The following FOXP2 variants were observed in gnomAD, a reference collection of about 807,000 sequenced individuals.
The protein encoded by FOXP2 is forkhead box protein P2.
In FOXP2, 12 loss-of-function variants were observed where a neutral mutation model predicts 115.8. The observed-to-expected ratio is 0.10, with a 90% confidence interval of 0.07 to 0.17. FOXP2 has a LOEUF of 0.17. Ranked by LOEUF, FOXP2 falls within the 10% of genes least tolerant of loss-of-function variation. FOXP2 has a pLI of 1.00. For synonymous variants in FOXP2, 328 were observed against 297.7 expected (o/e 1.10, Z -1.05); for missense variants, 629 against 843.5 (o/e 0.75, Z 3.15).
intron 1 of FOXP2, among the ~76,000 whole-genome samples, chr7:114,192,291 T>A (rs1793782165): frequency 6.6e-6 from 1 of 152,162 alleles, no homozygotes; most frequent in African/African-American, 2.4e-5. Flanking sequence ...GGCCTCTCCT[T>A]GTCTTTTTAT....
chr7:114,470,247 C>A (rs558252545), intron 2 of FOXP2, among the ~76,000 whole-genome samples: 1 of 152,272 alleles, frequency 6.6e-6, no homozygotes, highest in African/African-American at 2.4e-5. Flanking sequence ...TGTTATACCA[C>A]AGGATCTTTG....
At chr7:114,144,000 TGATCTTTGCC>T (rs1422279045) in intron 1 of FOXP2, among the ~76,000 whole-genome samples, 5 of 152,144 alleles carry the variant, frequency 3.3e-5, no homozygotes, top group African/African-American at 1.2e-4. Context: ...TTTTGAGTTT[TGATCTTTGCC>T]CACAGTGCAA....
rs115488654 is a variant in FOXP2, at chr7:114,464,511, A to C, written c.168+37832A>C. ...TTCCCATGATAGCCCAAATAAGATA[A>C]AGAAATAAGGAGGAGATGATAATGT... is the stretch of plus-strand genomic sequence containing the variant. On this transcript the variant is annotated intron_variant, in intron 2 of 16. Coordinates refer to ENST00000350908, the MANE Select transcript of FOXP2 (RefSeq NM_014491.4). Among the ~76,000 whole-genome samples the C allele has an allele frequency of 6.3e-3, 956 of 152,340 alleles. 7 individuals are homozygous for C. Among genetic ancestry groups the C allele is most frequent in the African/African-American group, 0.021 (884 of 41,566 alleles).
At chr7:114,152,526 A>C (rs546693867) in intron 1 of FOXP2, among the ~76,000 whole-genome samples, 1 of 152,192 alleles carries the variant, frequency 6.6e-6, no homozygotes, top group African/African-American at 2.4e-5. Flanking sequence ...CTGCTTTTGC[A>C]TATGCAAATC....
chr7:114,382,355 G>A (rs1196444285), intron 2 of FOXP2, among the ~76,000 whole-genome samples: 4 of 152,340 alleles, frequency 2.6e-5, no homozygotes, highest in East Asian at 1.9e-4. Flanking sequence ...TGGATCATCT[G>A]GTTAGTGGCT....
intron 3 of FOXP2, among the ~76,000 whole-genome samples, chr7:114,546,605 A>G (rs1227528600): frequency 6.6e-6 from 1 of 152,044 alleles, no homozygotes; most frequent in East Asian, 1.9e-4. Context: ...AACACCCCTT[A>G]TCTGATTGGC....
At position 114,252,091 on chromosome 7, in the gene FOXP2, G is replaced by A. The variant is rs535128150; in HGVS notation, c.-101-35928G>A. Among the ~76,000 whole-genome samples the A allele has an allele frequency of 5.8e-4, 89 of 152,238 alleles. 1 individual carries two copies. Among genetic ancestry groups the A allele is most frequent in the African/African-American group, 9.9e-4 (41 of 41,548 alleles). ...TGGTTCTGTTTATATACTGGATTAC[G>A]TTTATTGATTTGCATATGTTGAACC... On this transcript the variant is annotated intron_variant, in intron 1 of 17. Coordinates refer to the FOXP2 transcript ENST00000634411.
intron 2 of FOXP2, among the ~76,000 whole-genome samples, chr7:114,349,134 T>A (rs2129185403): frequency 6.6e-6 from 1 of 152,192 alleles, no homozygotes; most frequent in Non-Finnish European, 1.5e-5. Flanking sequence ...CTATGTTTTT[T>A]TTTCTGTATT....
chr7:114,438,571 A>G (rs1311499354), intron 2 of FOXP2, among the ~76,000 whole-genome samples: 1 of 152,046 alleles, frequency 6.6e-6, no homozygotes. Context: ...TGAAACAGAG[A>G]AATAAGAAGT....
intron 6 of FOXP2, among the ~76,000 whole-genome samples, chr7:114,635,961 G>A (rs1805195440): frequency 6.6e-6 from 1 of 152,144 alleles, no homozygotes; most frequent in African/African-American, 2.4e-5. Context: ...CTTCTTTGGA[G>A]AAGATAATTT....
chr7:114,180,497 G>C (rs1793428078), intron 1 of FOXP2, among the ~76,000 whole-genome samples: 2 of 151,850 alleles, frequency 1.3e-5, no homozygotes, highest in Non-Finnish European at 2.9e-5. Context: ...CTCTGAATTT[G>C]AGATCTGAAT....
chr7:114,223,735 G>A (rs189729908), intron 1 of FOXP2, among the ~76,000 whole-genome samples: 27 of 150,798 alleles, frequency 1.8e-4, no homozygotes, highest in African/African-American at 4.6e-4. Flanking sequence ...CTCTGCCACC[G>A]TATATGTTGA....
At chr7:114,411,079 C>T (rs1441389036), upstream of FOXP2, among the ~76,000 whole-genome samples, 1 of 152,052 alleles carries the variant, frequency 6.6e-6, no homozygotes, top group Non-Finnish European at 1.5e-5. Context: ...AAAAAAGACA[C>T]ATGAGTAAGG....
intron 2 of FOXP2, among the ~76,000 whole-genome samples, chr7:114,457,727 T>C (rs372793644): frequency 6.6e-6 from 1 of 151,980 alleles, no homozygotes; most frequent in African/African-American, 2.4e-5. Context: ...TGAAACCCCG[T>C]CTCTACTAAA....
intron 1 of FOXP2, among the ~76,000 whole-genome samples, chr7:114,098,926 C>G (rs1463182060): frequency 6.6e-6 from 1 of 152,086 alleles, no homozygotes; most frequent in Non-Finnish European, 1.5e-5. Context: ...ATGCTTGATC[C>G]CAGGAGTGGG....
intron 3 of FOXP2, among the ~76,000 whole-genome samples, chr7:114,553,471 C>G (rs1445893740): frequency 6.6e-6 from 1 of 152,108 alleles, no homozygotes; most frequent in Non-Finnish European, 1.5e-5. Flanking sequence ...CATTGACTTC[C>G]TTTGTTGCTC....
chr7:114,456,671 A>T (rs1454314217), intron 2 of FOXP2, among the ~76,000 whole-genome samples: 1 of 152,208 alleles, frequency 6.6e-6, no homozygotes, highest in Non-Finnish European at 1.5e-5. Flanking sequence ...TTTTAAGGAA[A>T]TTAGCATGTG....
intron 1 of FOXP2, among the ~76,000 whole-genome samples, chr7:114,166,395 A>G (rs1792981419): frequency 6.6e-6 from 1 of 152,082 alleles, no homozygotes; most frequent in African/African-American, 2.4e-5. Context: ...ACTACAAAGA[A>G]CTCTTAAAAA....
intron 2 of FOXP2, among the ~76,000 whole-genome samples, chr7:114,447,551 C>T (rs1794889440): frequency 6.6e-6 from 1 of 152,128 alleles, no homozygotes; most frequent in African/African-American, 2.4e-5. Flanking sequence ...CTCTTTCTCT[C>T]TTATCTCCCT....
Sources: allele counts gnomAD v4.1 joint callset (sites outside exome capture counted in the v4.1 genomes callset), GRCh38; gene constraint gnomAD v4.1.1; transcripts MANE v1.5; gene names NCBI Gene and HGNC (gene_info 2026-07-23, HGNC 2026-07-21).